Variants in ERI3 observed in about 807,000 individuals in gnomAD.
ERI3 encodes the protein ERI1 exoribonuclease family member 3, also known as ERI1 exoribonuclease 3.
In ERI3, 18 loss-of-function variants were observed where a neutral mutation model predicts 44.4. The observed-to-expected ratio is 0.41, with a 90% CI of 0.28 to 0.60. The LOEUF is 0.60. Ranked by LOEUF, ERI3 falls within the 20% of genes least tolerant of loss-of-function variation. The pLI is 0.36. For missense variants in ERI3, 294 were observed against 435.5 expected (o/e 0.68, Z 2.89); for synonymous variants, 183 against 164.8 (o/e 1.11, Z -0.84).
chr1:44,335,734 A>C (rs1253375739), intron 3 of ERI3, among the ~76,000 whole-genome samples: 1 of 151,428 alleles, frequency 6.6e-6, no homozygotes. Flanking sequence ...CTGGGCAACA[A>C]GAGCAACTTG....
At chr1:44,244,972 C>T (rs956091764) in intron 8 of ERI3, among the ~76,000 whole-genome samples, 3 of 151,944 alleles carry the variant, frequency 2.0e-5, no homozygotes, top group African/African-American at 7.3e-5. Context: ...TGCTGCCTTA[C>T]CCCCCCAGCC....
chr1:44,276,688 G>C (rs1001134233), intron 7 of ERI3, among the ~76,000 whole-genome samples: 5 of 152,034 alleles, frequency 3.3e-5, no homozygotes, highest in Admixed American at 6.5e-5. Flanking sequence ...CATTTTGTTG[G>C]TACTTATTTA....
At chr1:44,302,308 C>A (rs1213397449) in intron 6 of ERI3, among the ~76,000 whole-genome samples, 1 of 152,150 alleles carries the variant, frequency 6.6e-6, no homozygotes, top group Non-Finnish European at 1.5e-5. Context: ...AGGAGGGGAG[C>A]CCAAGCACTT....
At chr1:44,247,019 G>C (rs1388007743) in intron 8 of ERI3, among the ~76,000 whole-genome samples, 1 of 152,182 alleles carries the variant, frequency 6.6e-6, no homozygotes, top group Non-Finnish European at 1.5e-5. Context: ...TCACCTGAGA[G>C]CATCTGCATG....
At chr1:44,330,652 G>T (rs1242289313) in intron 3 of ERI3, among the ~76,000 whole-genome samples, 8 of 152,198 alleles carry the variant, frequency 5.3e-5, no homozygotes, top group African/African-American at 1.9e-4. Context: ...CTGGGGGTGG[G>T]GGTAGCTGGT....
chr1:44,352,406 A>AACC, intron 2 of ERI3, among the ~76,000 whole-genome samples: 1 of 134 alleles, frequency 7.5e-3, no homozygotes, highest in Non-Finnish European at 0.038. Context: ...GCAAGGTCTC[A>AACC]TAGATAGATA....
intron 6 of ERI3, among the ~76,000 whole-genome samples, chr1:44,297,303 C>A (rs1212414463): frequency 1.3e-5 from 2 of 151,990 alleles, no homozygotes; most frequent in Non-Finnish European, 2.9e-5. Flanking sequence ...CCCCCAGAGT[C>A]CACAAATCAT....
intron 3 of ERI3, 112 bp from the exon 4 acceptor site, chr1:44,319,856 G>T: frequency 1.2e-6 from 1 of 802,466 alleles, no homozygotes; most frequent in Non-Finnish European, 2.1e-6. Context: ...AGTGTTTTGG[G>T]TTCATTAGCT....
chr1:44,339,340 TAAAAAAA>T lies in ERI3; in HGVS notation c.212-25_212-19del, dbSNP rs372090718. The stretch of plus-strand genomic sequence containing the variant: ...ATCTAAAACTTAGGGGAGGAAAGTT[TAAAAAAA>T]AAAAAAAAAAAGAAAAGAAAGAAAA... On this transcript the variant is annotated intron_variant, in intron 2 of 8. Transcript: ENST00000372257. The T allele has an allele frequency of 3.4e-3, 3,314 of 976,730 alleles. 75 individuals are homozygous for T. The African/African-American group carries it at 0.074, about 22-fold the overall frequency. 60.5% of individuals were successfully genotyped at this position (976,730 alleles called of 1,614,324 possible).
intron 8 of ERI3, among the ~76,000 whole-genome samples, chr1:44,233,415 T>C (rs1443888406): frequency 6.6e-6 from 1 of 151,536 alleles, no homozygotes; most frequent in East Asian, 1.9e-4. Context: ...CTTTTTTTTT[T>C]TTTTTTGAGA....
chr1:44,258,228 T>C (rs1644818657), intron 7 of ERI3, among the ~76,000 whole-genome samples: 1 of 152,208 alleles, frequency 6.6e-6, no homozygotes, highest in African/African-American at 2.4e-5. Context: ...TCATGTCCTT[T>C]TTCCTAATAA....
chr1:44,353,901 G>A, intron 1 of ERI3: 3 of 985,286 alleles, frequency 3.0e-6, no homozygotes, highest in Non-Finnish European at 3.6e-6. Flanking sequence ...CACCTCCTGA[G>A]GAAAAGGCAG....
chr1:44,308,487 G>T, intron 5 of ERI3, 86 bp from the exon 6 acceptor site: 2 of 1,027,646 alleles, frequency 1.9e-6, no homozygotes, highest in Non-Finnish European at 3.1e-6. Flanking sequence ...CAGATAAGCT[G>T]CTTGTAATCA....
chr1:44,258,014 C>T (rs1486195344), intron 7 of ERI3, among the ~76,000 whole-genome samples: 1 of 152,162 alleles, frequency 6.6e-6, no homozygotes, highest in Non-Finnish European at 1.5e-5. Flanking sequence ...TGTCAAATGA[C>T]CCTGTCTCTC....
chr1:44,332,047 C>T (rs940016954), intron 3 of ERI3, among the ~76,000 whole-genome samples: 2 of 152,156 alleles, frequency 1.3e-5, no homozygotes, highest in South Asian at 2.1e-4. Flanking sequence ...TGTCTTTATA[C>T]CCCTAGCATC....
intron 6 of ERI3, among the ~76,000 whole-genome samples, chr1:44,290,914 A>T (rs2154323979): frequency 6.6e-6 from 1 of 152,286 alleles, no homozygotes; most frequent in South Asian, 2.1e-4. Flanking sequence ...GGAAGGAAGA[A>T]AGAGGGGAAG....
chr1:44,322,477 A>G (rs1184698485), intron 3 of ERI3, among the ~76,000 whole-genome samples: 2 of 152,048 alleles, frequency 1.3e-5, no homozygotes, highest in Non-Finnish European at 2.9e-5. Context: ...TATTATAAAC[A>G]TATCTCTGAT....
chr1:44,331,656 G>A (rs2154330439), intron 3 of ERI3, among the ~76,000 whole-genome samples: 1 of 152,252 alleles, frequency 6.6e-6, no homozygotes, highest in South Asian at 2.1e-4. Flanking sequence ...TGAAATACTT[G>A]CCAGGTTCAA....
At chr1:44,343,494 C>T (rs1379590496) in intron 2 of ERI3, among the ~76,000 whole-genome samples, 1 of 152,166 alleles carries the variant, frequency 6.6e-6, no homozygotes, top group Non-Finnish European at 1.5e-5. Flanking sequence ...TAAATCTAAT[C>T]ATGAGAAAAT....
Sources: allele counts gnomAD v4.1 joint callset (sites outside exome capture counted in the v4.1 genomes callset), GRCh38; gene constraint gnomAD v4.1.1; transcripts MANE v1.5; gene names NCBI Gene and HGNC (gene_info 2026-07-23, HGNC 2026-07-21).